RBBP8: variants seen among roughly 807,000 people sequenced by gnomAD.
RBBP8 encodes RB binding protein 8, endonuclease.
Under a neutral mutation model 108.3 loss-of-function variants are expected in RBBP8, and 88 were observed. The ratio of observed to expected loss-of-function variants is 0.81; its 90% CI spans 0.68 to 0.97. The LOEUF (loss-of-function observed/expected upper bound fraction) is 0.97, where lower values mean the gene tolerates loss of function less well. RBBP8 is among the 50% of genes least tolerant of loss of function. The pLI is 0.00. For synonymous variants in RBBP8, 332 were observed against 348.2 expected (o/e 0.95, Z 0.52); for missense variants, 1,023 against 1,049.0 (o/e 0.98, Z 0.34).
chr18:22,946,473 CA>C lies in RBBP8; in HGVS notation c.140del (p.Gln47ArgfsTer5). The C allele has an allele frequency of 1.2e-6, 2 of 1,612,684 alleles. No individual in the cohort carries two copies. Among genetic ancestry groups the C allele is most frequent in the Non-Finnish European group, 1.7e-6 (2 of 1,179,194 alleles). On this transcript the variant is annotated frameshift_variant, in exon 3 of 19. Coordinates refer to ENST00000327155, the MANE Select transcript of RBBP8 (RefSeq NM_002894.3). LOFTEE classifies it high-confidence loss of function. ...ACAAGTAAAAGTAACCAAGCTAAAA[CA>C]GGAACGAATCTTGTAAGTATCAGTA... The part of the protein sequence containing the change: ...GLQVKVTKLK[Q>X]ERILDAQRLE...
chr18:22,924,136 T>TTTG (rs1909704547), intron 3 of RBBP8, among the ~76,000 whole-genome samples: 1 of 142,960 alleles, frequency 7.0e-6, no homozygotes, highest in South Asian at 2.3e-4. Flanking sequence ...GGTTTTTTTT[T>TTTG]TTTTTTTTTT....
At chr18:22,999,346 G>A (rs886262616) in intron 14 of RBBP8, among the ~76,000 whole-genome samples, 13 of 152,306 alleles carry the variant, frequency 8.5e-5, no homozygotes, top group Middle Eastern at 3.4e-3. Flanking sequence ...AACTGAAACA[G>A]CAGAGGGCTG....
intron 16 of RBBP8, among the ~76,000 whole-genome samples, chr18:23,011,846 C>T (rs990893049): frequency 6.6e-6 from 1 of 152,028 alleles, no homozygotes; most frequent in Non-Finnish European, 1.5e-5. Flanking sequence ...ACCAACCGAC[C>T]ATTTTCCCAT....
intron 14 of RBBP8, 131 bp from the exon 15 acceptor site, chr18:23,001,455 A>G: frequency 2.9e-6 from 3 of 1,033,808 alleles, no homozygotes; most frequent in Non-Finnish European, 4.5e-6. Context: ...CCATATTTTA[A>G]CAACCGTATT....
chr18:23,005,500 A>T (rs1040899079), intron 15 of RBBP8, among the ~76,000 whole-genome samples: 1 of 151,852 alleles, frequency 6.6e-6, no homozygotes, highest in African/African-American at 2.4e-5. Context: ...GCAACCTCCA[A>T]CTCCCTGGTT....
At chr18:23,017,342 T>G (rs1598748695) in intron 17 of RBBP8, among the ~76,000 whole-genome samples, 18 of 102,766 alleles carry the variant, frequency 1.8e-4, no homozygotes, top group East Asian at 5.6e-4. Context: ...GCAACAAGAG[T>G]GAAACTTGGT....
At chr18:23,003,840 C>T (rs1426822311) in intron 15 of RBBP8, among the ~76,000 whole-genome samples, 1 of 151,932 alleles carries the variant, frequency 6.6e-6, no homozygotes, top group Non-Finnish European at 1.5e-5. Context: ...GGGCGGATCA[C>T]GAGGTCAGGA....
At chr18:22,952,210 C>T (rs1376978068) in intron 4 of RBBP8, among the ~76,000 whole-genome samples, 2 of 151,962 alleles carry the variant, frequency 1.3e-5, no homozygotes, top group African/African-American at 4.8e-5. Context: ...AGGAGAATAA[C>T]AAAGGGATAT....
chr18:23,023,616 T>A (rs976544467), intron 18 of RBBP8, among the ~76,000 whole-genome samples: 2 of 152,328 alleles, frequency 1.3e-5, no homozygotes, highest in East Asian at 3.9e-4. Flanking sequence ...TGGGGTAGCA[T>A]ACTCCCATTT....
intron 4 of RBBP8, among the ~76,000 whole-genome samples, chr18:22,966,876 G>GCCA (rs1431856771): frequency 1.3e-5 from 2 of 151,802 alleles, no homozygotes; most frequent in African/African-American, 4.8e-5. Context: ...ACAAGCATGA[G>GCCA]CCACCACATC....
At chr18:23,023,549 C>A (rs2046406688) in intron 18 of RBBP8, among the ~76,000 whole-genome samples, 1 of 152,102 alleles carries the variant, frequency 6.6e-6, no homozygotes, top group Admixed American at 6.6e-5. Context: ...ATATTTTCTA[C>A]CAAAATTAAG....
intron 5 of RBBP8, among the ~76,000 whole-genome samples, chr18:22,973,263 T>C (rs1342771575): frequency 6.6e-6 from 1 of 152,198 alleles, no homozygotes; most frequent in Non-Finnish European, 1.5e-5. Flanking sequence ...GAGCCTATTT[T>C]TAAATAATTC....
chr18:22,996,251 T>G, intron 12 of RBBP8, 123 bp from the exon 13 acceptor site: 1 of 1,460,532 alleles, frequency 6.8e-7, no homozygotes, highest in East Asian at 2.5e-5. Context: ...ATCTTAGATA[T>G]AAGTCCTTTA....
intron 8 of RBBP8, among the ~76,000 whole-genome samples, chr18:22,986,932 C>G (rs1364362860): frequency 2.6e-5 from 4 of 152,202 alleles, no homozygotes; most frequent in African/African-American, 9.7e-5. Context: ...CAATTCTGTT[C>G]TGCTGCTGCC....
chr18:22,987,627 T>A (rs1915418835), intron 8 of RBBP8, among the ~76,000 whole-genome samples: 1 of 152,120 alleles, frequency 6.6e-6, no homozygotes, highest in African/African-American at 2.4e-5. Context: ...CTGATATTTG[T>A]ATTTTTGTAG....
At position 22,952,932 on chromosome 18, in the gene RBBP8, G is replaced by C. The variant is rs563641679; in HGVS notation, c.248+3219G>C. Among the ~76,000 whole-genome samples the C allele has an allele frequency of 3.3e-5, 5 of 152,298 alleles. 1 individual carries two copies. In the South Asian group the frequency reaches 1.0e-3, roughly 32 times the overall value. ...AATGGCATTAACGCCAAGAGATTAG[G>C]AATGCTTTTTGTTCCATCATTCCTA... On this transcript the variant is annotated intron_variant, in intron 4 of 18. Transcript: ENST00000327155.
At chr18:22,946,423 C>T in intron 2 of RBBP8, 21 bp from the exon 3 acceptor site, 2 of 1,611,414 alleles carry the variant, frequency 1.2e-6, no homozygotes, top group South Asian at 1.1e-5. Flanking sequence ...AGAAGTAATA[C>T]CTTTTCTTTT....
intron 17 of RBBP8, among the ~76,000 whole-genome samples, chr18:23,020,210 C>T (rs1432920621): frequency 1.3e-5 from 2 of 151,274 alleles, no homozygotes; most frequent in Admixed American, 1.3e-4. Context: ...CACCTGAGGT[C>T]AGGAGTTCAA....
chr18:22,917,604 T>C (rs1289931941), intron 3 of RBBP8, among the ~76,000 whole-genome samples: 1 of 152,204 alleles, frequency 6.6e-6, no homozygotes, highest in African/African-American at 2.4e-5. Flanking sequence ...TCCTGAAGTA[T>C]TTCAGTATTT....
Sources: gnomAD v4.1 joint callset for allele counts (sites outside exome capture counted in the v4.1 genomes callset) on GRCh38, gnomAD v4.1.1 for gene constraint, MANE v1.5 for transcripts, NCBI Gene and HGNC (gene_info 2026-07-23, HGNC 2026-07-21) for gene names.